The following ABCC4 variants were observed in gnomAD, a reference collection of about 807,000 sequenced individuals.
The protein encoded by ABCC4 is ATP binding cassette subfamily C member 4 (PEL blood group).
A neutral mutation model predicts 168.5 loss-of-function variants in ABCC4; 102 were observed. That is an observed-to-expected ratio of 0.61 (90% confidence interval 0.52 to 0.71). The LOEUF (loss-of-function observed/expected upper bound fraction) is 0.71, where lower values mean the gene tolerates loss of function less well. ABCC4 is among the 30% of genes least tolerant of loss of function. The pLI, the probability that ABCC4 is intolerant of heterozygous loss-of-function variation, is 0.00. For missense variants in ABCC4, 1,402 were observed against 1,605.8 expected (o/e 0.87, Z 2.17); for synonymous variants, 617 against 590.7 (o/e 1.04, Z -0.65).
Position 95,062,727 on chromosome 13 carries a change from T to C in ABCC4, c.3343A>G (p.Lys1115Glu). 2 of 1,613,896 alleles carry C rather than the reference T, an allele frequency of 1.2e-6. No individual in the cohort carries two copies. Among genetic ancestry groups the C allele is most frequent in the Middle Eastern group, 1.7e-4 (1 of 6,060 alleles). Residue 1115 changes from lysine (K) to glutamate (E), a missense_variant, in exon 26 of 31, where the codon AAG (lysine) becomes GAG (glutamate). Around this residue, in one of 3 missense-constraint regions of ABCC4, gnomAD observed 1,007 missense variants for 1,127.3 expected, o/e 0.89. Coordinates refer to ENST00000645237, the MANE Select transcript of ABCC4 (RefSeq NM_005845.5). ...ACCTGAGGTATGATTGACATCTTCT[T>C]CCTTAAATCGTGAAGTCCAATTTCA... ...TTEIGLHDLR[K>E]KMSIIPQEPV...
At chr13:95,030,333 C>T (rs1204873525) in intron 30 of ABCC4, among the ~76,000 whole-genome samples, 1 of 151,942 alleles carries the variant, frequency 6.6e-6, no homozygotes, top group Non-Finnish European at 1.5e-5. Context: ...GATTTCATAA[C>T]TTTTGAGTTG....
chr13:95,194,115 G>A (rs1156630256), intron 9 of ABCC4, among the ~76,000 whole-genome samples: 1 of 152,220 alleles, frequency 6.6e-6, no homozygotes, highest in Non-Finnish European at 1.5e-5. Flanking sequence ...TGGATAACAG[G>A]AGATGCACCG....
At chr13:95,091,569 T>C (rs2034435485) in intron 20 of ABCC4, among the ~76,000 whole-genome samples, 2 of 152,182 alleles carry the variant, frequency 1.3e-5, no homozygotes, top group South Asian at 2.1e-4. Context: ...GAAAGAAAGA[T>C]ACAGTTTTTT....
chr13:95,188,890 T>TA (rs1472536135), intron 9 of ABCC4, among the ~76,000 whole-genome samples: 3 of 152,072 alleles, frequency 2.0e-5, no homozygotes, highest in Non-Finnish European at 2.9e-5. Flanking sequence ...TATATATATA[T>TA]TTTTTACTTT....
At chr13:95,112,837 T>G (rs1005197040) in intron 20 of ABCC4, among the ~76,000 whole-genome samples, 9 of 152,184 alleles carry the variant, frequency 5.9e-5, no homozygotes, top group Non-Finnish European at 8.8e-5. Flanking sequence ...GGGCCCGTGA[T>G]GTCAGCAGCA....
intron 29 of ABCC4, among the ~76,000 whole-genome samples, chr13:95,037,931 T>A (rs1048984851): frequency 6.6e-6 from 1 of 151,126 alleles, no homozygotes; most frequent in Non-Finnish European, 1.5e-5. Context: ...AGTGGTGTGG[T>A]CTCGGTTCAC....
At chr13:95,300,445 G>C (rs529792130) in intron 1 of ABCC4, among the ~76,000 whole-genome samples, 103 of 152,196 alleles carry the variant, frequency 6.8e-4, no homozygotes, top group Non-Finnish European at 1.3e-3. Context: ...AGCAAATCCT[G>C]GAAAATCTTG....
rs141418458 is a variant in ABCC4 at position 95,172,683 on chromosome 13, C to T, written c.1728-2055G>A. On this transcript the variant is annotated intron_variant, in intron 13 of 30. Transcript: ENST00000645237. The stretch of plus-strand genomic sequence containing the variant: ...CAGTGGCTCACACCTATAATCCCAG[C>T]ACTTTGGGAGGTTAAGGCAGGAGGA... 0.015 allele frequency among the ~76,000 whole-genome samples: 2,347 copies of T among 152,116 alleles called. 137 individuals are homozygous for T. The East Asian group carries it at 0.19, about 12-fold the overall frequency.
rs1475954886 is a variant in ABCC4, at chr13:95,053,118, C to T, written c.3433G>A (p.Glu1145Lys). The T allele has an allele frequency of 2.5e-6, 4 of 1,614,068 alleles. No homozygotes were observed. The highest frequency in any genetic ancestry group is 1.7e-6 in the Non-Finnish European group (2 of 1,179,950). The change falls in exon 27 of 31, where the codon GAA becomes AAA. Residue 1145 changes from glutamate to lysine, a missense_variant. By Grantham distance (56) the Glu-to-Lys change is moderately conservative (BLOSUM62 1). Coordinates refer to ENST00000645237, the MANE Select transcript of ABCC4 (RefSeq NM_005845.5). The part of the protein sequence containing the change: ...LDPFNEHTDE[E>K]LWNALQEVQL... ...ACCTCTTGTAAGGCATTCCACAGTT[C>T]CTCATCCGTGTGCTCATTAAAGGGA...
intron 13 of ABCC4, among the ~76,000 whole-genome samples, chr13:95,171,327 G>A (rs1460093006): frequency 6.6e-6 from 1 of 151,776 alleles, no homozygotes; most frequent in Admixed American, 6.6e-5. Flanking sequence ...GTTTTCTGAC[G>A]TTTGTTTGTT....
At chr13:95,215,235 C>T (rs371870045) in intron 4 of ABCC4, among the ~76,000 whole-genome samples, 3 of 152,050 alleles carry the variant, frequency 2.0e-5, no homozygotes, top group African/African-American at 7.2e-5. Flanking sequence ...AGCCTGGGCT[C>T]CACAAAAAAT....
intron 1 of ABCC4, among the ~76,000 whole-genome samples, chr13:95,263,005 T>C (rs1364994308): frequency 1.3e-5 from 2 of 152,192 alleles, no homozygotes; most frequent in Admixed American, 6.5e-5. Context: ...TTCAGTACCA[T>C]GTTCTTCACA....
intron 20 of ABCC4, among the ~76,000 whole-genome samples, chr13:95,098,874 C>T (rs1252053044): frequency 1.3e-5 from 2 of 152,236 alleles, no homozygotes; most frequent in Non-Finnish European, 2.9e-5. Flanking sequence ...ATTGATCATA[C>T]TAAATGTTGG....
chr13:95,208,580 A>G (rs1407474493), intron 6 of ABCC4, among the ~76,000 whole-genome samples: 1 of 140,774 alleles, frequency 7.1e-6, no homozygotes, highest in African/African-American at 2.6e-5. Context: ...TTTTATCATC[A>G]TTAATCTCTT....
rs1233359228 is a variant in ABCC4, at chr13:95,021,477, A to G, written c.*98T>C. 16 of 754,670 alleles carry G rather than the reference A, an allele frequency of 2.1e-5. No homozygotes were observed. The highest frequency in any genetic ancestry group is 2.4e-4 in the Middle Eastern group (1 of 4,220). 46.7% of individuals were successfully genotyped at this position (754,670 alleles called of 1,614,324 possible). A position where few individuals can be genotyped will look rare whatever the true frequency, so the allele number is the denominator to read the frequency against. ...ATGAACTAGCATCTTGTATGTATAA[A>G]TATTTGTTGCCAAAGTAAAAAAAAG... On this transcript the variant is annotated 3_prime_UTR_variant, in exon 31 of 31. Transcript: ENST00000645237.
In ABCC4 at chr13:95,034,634, C is replaced by T; in HGVS notation, c.3841G>A (p.Ala1281Thr). 6.2e-7 allele frequency: 1 copy of T among 1,614,194 alleles called. No individual in the cohort carries two copies. Among genetic ancestry groups the T allele is most frequent in the Non-Finnish European group, 8.5e-7 (1 of 1,180,048 alleles). The part of the protein sequence containing the change: ...KMVQQLGKAE[A>T]AALTETAKQV... ...TTTGCTGTTTCAGTGAGGGCAGCGGCTTCTGCCTTGCCCAGTTGTTGCACC... is the reference window on the plus strand; with the variant it reads ...TTTGCTGTTTCAGTGAGGGCAGCGGTTTCTGCCTTGCCCAGTTGTTGCACC... Residue 1281 changes from alanine to threonine, a missense_variant, in exon 30 of 31, where the codon GCC (alanine) becomes ACC (threonine). Ala to Thr is a moderately conservative substitution (Grantham distance 58). Around this residue, in one of 3 missense-constraint regions of ABCC4, gnomAD observed 1,007 missense variants for 1,127.3 expected, o/e 0.89. Transcript: ENST00000645237.
chr13:95,251,273 GT>G (rs1270500270), intron 1 of ABCC4, among the ~76,000 whole-genome samples: 16 of 151,914 alleles, frequency 1.1e-4, no homozygotes, highest in Admixed American at 1.0e-3. Context: ...CTCTCCTTTT[GT>G]CCCCTTTCAG....
At chr13:95,022,181 T>C (rs2031128487) in intron 30 of ABCC4, among the ~76,000 whole-genome samples, 1 of 152,194 alleles carries the variant, frequency 6.6e-6, no homozygotes, top group African/African-American at 2.4e-5. Flanking sequence ...CGGCGTTTAA[T>C]TTGTGCGGCA....
At chr13:95,157,088 CCACACACACACACACACACACA>C (rs67671921) in intron 19 of ABCC4, among the ~76,000 whole-genome samples, 3 of 134,616 alleles carry the variant, frequency 2.2e-5, no homozygotes, top group Non-Finnish European at 4.7e-5. Flanking sequence ...TGAGACTCTA[CCACACACACACACACACACACA>C]CACACACACA....
Sources: gnomAD v4.1 joint callset for allele counts (sites outside exome capture counted in the v4.1 genomes callset) on GRCh38, gnomAD v4.1.1 for gene constraint, gnomAD v4.1.1 regional missense constraint, MANE v1.5 for transcripts, NCBI Gene and HGNC (gene_info 2026-07-23, HGNC 2026-07-21) for gene names.